The following ADARB1 variants were observed in gnomAD, a reference collection of about 807,000 sequenced individuals.
ADARB1 encodes double-stranded RNA-specific editase 1.
Under a neutral mutation model 52.4 loss-of-function variants are expected in ADARB1, and 10 were observed. The ratio of observed to expected loss-of-function variants is 0.19; its 90% CI spans 0.12 to 0.32. The LOEUF is 0.32. ADARB1 is among the 10% of genes least tolerant of loss of function. The pLI is 1.00. For missense variants in ADARB1, 643 were observed against 922.3 expected (o/e 0.70, Z 3.92); for synonymous variants, 349 against 371.1 (o/e 0.94, Z 0.68).
At chr21:45,098,816 T>G (rs1318522824) in intron 1 of ADARB1, among the ~76,000 whole-genome samples, 3 of 152,186 alleles carry the variant, frequency 2.0e-5, no homozygotes, top group Non-Finnish European at 4.4e-5. Flanking sequence ...CTTGTGTATA[T>G]TTGTGTGTGT....
rs2092985985 is a variant in ADARB1, at chr21:45,222,614, A to G, written c.*417A>G. ...AATGTGGTTTATAAAATAGGAAGTA[A>G]TTGTGTCAGGTCACTTTTATGCCAC... On this transcript the variant is annotated 3_prime_UTR_variant, in exon 11 of 11. Transcript: ENST00000348831. 1 of 999,004 alleles carries G rather than the reference A, an allele frequency of 1.0e-6. No individual in the cohort carries two copies. The highest frequency in any genetic ancestry group is 1.2e-6 in the Non-Finnish European group (1 of 839,322). 61.9% of individuals were successfully genotyped at this position (999,004 alleles called of 1,614,324 possible). A position where few individuals can be genotyped will look rare whatever the true frequency, so the allele number is the denominator to read the frequency against.
chr21:45,185,165 T>A, intron 8 of ADARB1, 74 bp downstream of exon 8: 1 of 1,530,890 alleles, frequency 6.5e-7, no homozygotes, highest in Non-Finnish European at 8.9e-7. Flanking sequence ...AACCTCCCTT[T>A]TCCACAACCA....
chr21:45,179,983 C>T (rs1461809108), intron 4 of ADARB1, among the ~76,000 whole-genome samples: 1 of 152,162 alleles, frequency 6.6e-6, no homozygotes, highest in African/African-American at 2.4e-5. Context: ...GCAGGTGGCC[C>T]TGAGCAGGCA....
chr21:45,140,123 A>T (rs2089640993), intron 2 of ADARB1, among the ~76,000 whole-genome samples: 3 of 151,848 alleles, frequency 2.0e-5, no homozygotes. Context: ...TTGTATTTTT[A>T]GTAGAGATGG....
chr21:45,102,163 A>G (rs990265767), intron 1 of ADARB1, among the ~76,000 whole-genome samples: 2 of 152,326 alleles, frequency 1.3e-5, no homozygotes, highest in Admixed American at 1.3e-4. Flanking sequence ...AGTTGCTGGG[A>G]TTACAGATGT....
chr21:45,074,682 A>ACGCCG lies in ADARB1; in HGVS notation c.-324_-320dup, dbSNP rs1331960404. 6.9e-6 allele frequency: 1 copy of ACGCCG among 144,204 alleles called. No homozygotes were observed. The highest frequency in any genetic ancestry group is 1.6e-5 in the Non-Finnish European group (1 of 64,512). 8.9% of individuals were successfully genotyped at this position (144,204 alleles called of 1,614,324 possible). ...CTCCGGGCCGCGCGAGGCCACGGCCACGCCGCGCCGCTGCGCACAACCAAC... is the reference window on the plus strand; with the variant it reads ...CTCCGGGCCGCGCGAGGCCACGGCCACGCCGCGCCGCGCCGCTGCGCACAACCAAC... On this transcript the variant is annotated 5_prime_UTR_variant, in exon 1 of 11. Transcript: ENST00000348831.
intron 1 of ADARB1, among the ~76,000 whole-genome samples, chr21:45,119,146 G>A (rs2088002334): frequency 6.6e-6 from 1 of 152,216 alleles, no homozygotes; most frequent in Non-Finnish European, 1.5e-5. Flanking sequence ...GTGAAGTGCA[G>A]TAGTGTGATC....
intron 1 of ADARB1, among the ~76,000 whole-genome samples, chr21:45,097,652 G>A (rs1038773727): frequency 1.3e-5 from 2 of 152,126 alleles, no homozygotes; most frequent in African/African-American, 4.8e-5. Flanking sequence ...GTGGCAAGGT[G>A]GAAGGCAGTG....
chr21:45,146,331 G>A (rs547260782), intron 2 of ADARB1: 1 of 152,372 alleles, frequency 6.6e-6, no homozygotes, highest in Admixed American at 6.5e-5. Flanking sequence ...TAAGGTAAGA[G>A]TTACAATGGA....
At position 45,221,666 on chromosome 21, in the gene ADARB1, C is replaced by G. The variant is rs955493982; in HGVS notation, c.1927-352C>G. On this transcript the variant is annotated intron_variant, in intron 10 of 10. Coordinates refer to ENST00000348831, the MANE Select transcript of ADARB1 (RefSeq NM_001112.4). The surrounding 1 kb of genome is among the most constrained non-coding windows in gnomAD (Gnocchi z 4.9). ...AGTTACTGGCCGCATGAGGGAAGGCCTCCGAGGTCATCAGGGTGATGACAC... is the reference window on the plus strand; with the variant it reads ...AGTTACTGGCCGCATGAGGGAAGGCGTCCGAGGTCATCAGGGTGATGACAC... 3.3e-5 allele frequency among the ~76,000 whole-genome samples: 5 copies of G among 152,212 alleles called. No homozygotes were observed. The highest frequency in any genetic ancestry group is 5.9e-5 in the Non-Finnish European group (4 of 68,044).
chr21:45,159,864 C>T (rs1282381991), intron 2 of ADARB1, among the ~76,000 whole-genome samples: 1 of 152,228 alleles, frequency 6.6e-6, no homozygotes, highest in Non-Finnish European at 1.5e-5. Context: ...GAAAGTGACC[C>T]TTTTCCCTGT....
chr21:45,138,380 G>A (rs2089510888), intron 2 of ADARB1, among the ~76,000 whole-genome samples: 1 of 152,216 alleles, frequency 6.6e-6, no homozygotes, highest in African/African-American at 2.4e-5. Context: ...TATGTCGTAA[G>A]TAATCCAGAG....
intron 2 of ADARB1, among the ~76,000 whole-genome samples, chr21:45,164,350 AG>A (rs757521763): frequency 7.9e-5 from 12 of 152,098 alleles, no homozygotes; most frequent in Non-Finnish European, 1.6e-4. Flanking sequence ...GGGGCTGCCA[AG>A]GAAAAGGCGG....
chr21:45,128,084 G>A lies in ADARB1; in HGVS notation c.-219-318G>A, dbSNP rs1010772810. 9.9e-5 allele frequency among the ~76,000 whole-genome samples: 15 copies of A among 152,128 alleles called. No individual in the cohort carries two copies. The highest frequency in any genetic ancestry group is 2.9e-4 in the African/African-American group (12 of 41,442). On this transcript the variant is annotated intron_variant, in intron 1 of 10. Transcript: ENST00000348831. This position sits in a 1 kb window ranked among gnomAD's most constrained non-coding sequence, Gnocchi z 4.6. ...ATTGAATTGTAAAAAAGATGAGTAC[G>A]TGTGAGATTCTGCCTGAGACTCCAG...
intron 4 of ADARB1, among the ~76,000 whole-genome samples, chr21:45,179,708 G>A (rs1178348120): frequency 6.6e-6 from 1 of 151,996 alleles, no homozygotes. Flanking sequence ...AGTGAGCGGA[G>A]TCAGAGTGCA....
chr21:45,176,648 A>C lies in ADARB1; in HGVS notation c.947A>C (p.Gln316Pro). 6.2e-7 allele frequency: 1 copy of C among 1,609,016 alleles called. No homozygotes were observed. Among genetic ancestry groups the C allele is most frequent in the Non-Finnish European group, 8.5e-7 (1 of 1,177,596 alleles). The change falls in exon 4 of 11, where the codon CAG (glutamine) becomes CCG (proline). Residue 316 changes from glutamine (Q) to proline (P), a missense_variant. Gln to Pro is a moderately conservative substitution (Grantham distance 76). Coordinates refer to ENST00000348831, the MANE Select transcript of ADARB1 (RefSeq NM_001112.4). This position sits in a 1 kb window ranked among gnomAD's most constrained non-coding sequence, Gnocchi z 5.8. ...SRQPIPSEGL[Q>P]LHLPQVLADA... ...CAGCCTATTCCCAGTGAGGGTCTTC[A>C]GCTGCATTTACCGCAGGTGAGGAAC...
chr21:45,096,500 C>T (rs1157088289), intron 1 of ADARB1, among the ~76,000 whole-genome samples: 1 of 152,218 alleles, frequency 6.6e-6, no homozygotes, highest in East Asian at 1.9e-4. Flanking sequence ...GGAGGGACAG[C>T]CCCAGTGCTC....
intron 1 of ADARB1, among the ~76,000 whole-genome samples, chr21:45,092,502 G>A (rs1016413049): frequency 2.0e-5 from 3 of 152,108 alleles, no homozygotes; most frequent in Non-Finnish European, 4.4e-5. Flanking sequence ...CAGTTGTGAG[G>A]ACCAAATCTT....
chr21:45,205,111 A>C (rs1415081874), intron 9 of ADARB1, among the ~76,000 whole-genome samples: 1 of 152,080 alleles, frequency 6.6e-6, no homozygotes, highest in East Asian at 1.9e-4. Flanking sequence ...ATACAAAAAA[A>C]TCAGCCAGAT....
Sources: gnomAD v4.1 joint callset for allele counts (sites outside exome capture counted in the v4.1 genomes callset) on GRCh38, gnomAD v4.1.1 for gene constraint, Gnocchi (gnomAD v3.1) non-coding constraint, MANE v1.5 for transcripts, NCBI Gene and HGNC (gene_info 2026-07-23, HGNC 2026-07-21) for gene names.